Variants in PGAP1 observed in about 807,000 individuals in gnomAD.
PGAP1 encodes the protein GPI inositol-deacylase.
A neutral mutation model predicts 127.0 loss-of-function variants in PGAP1; 76 were observed. That is an observed-to-expected ratio of 0.60 (90% CI 0.50 to 0.72). The LOEUF (loss-of-function observed/expected upper bound fraction) is 0.72, where lower values mean the gene tolerates loss of function less well. Ranked by LOEUF, PGAP1 falls within the 30% of genes least tolerant of loss-of-function variation. The pLI is 0.00. For synonymous variants in PGAP1, 362 were observed against 366.5 expected, an observed-to-expected ratio of 0.99 and a Z score of 0.14; for missense variants, 982 against 1,071.3, an observed-to-expected ratio of 0.92 and a Z score of 1.16.
Position 196,872,433 on chromosome 2 carries a change from C to A in PGAP1, c.1728+8G>T, listed in dbSNP as rs368970696. Reference sequence around the variant, plus strand: ...AAATCTTAAAAATTAATCAAACATACAACTTACCTCGTACCGACAGTCTGA... The same window carrying A: ...AAATCTTAAAAATTAATCAAACATAAAACTTACCTCGTACCGACAGTCTGA... On this transcript the variant is annotated splice_region_variant and intron_variant, in intron 18 of 26. Transcript: ENST00000354764. 2.6e-6 allele frequency: 4 copies of A among 1,565,268 alleles called. No homozygotes were observed. Among genetic ancestry groups the A allele is most frequent in the African/African-American group, 2.7e-5 (2 of 73,800 alleles).
chr2:196,911,575 G>A (rs1373608848), intron 4 of PGAP1, among the ~76,000 whole-genome samples: 2 of 80,756 alleles, frequency 2.5e-5, no homozygotes, highest in Non-Finnish European at 4.2e-5. Flanking sequence ...CCTGCACAAT[G>A]TGCACATGTA....
At position 196,902,577 on chromosome 2, in the gene PGAP1, A is replaced by C. The variant is rs760292481; in HGVS notation, c.807+8T>G. ...TACTATTTCAATAGAATCTTAAAAA[A>C]AGATTACCACAACAGATAAGGCACT... On this transcript the variant is annotated splice_region_variant and intron_variant, in intron 5 of 26. Coordinates refer to ENST00000354764, the MANE Select transcript of PGAP1 (RefSeq NM_024989.4). 3 of 1,591,994 alleles carry C rather than the reference A, an allele frequency of 1.9e-6. No individual in the cohort carries two copies. The highest frequency in any genetic ancestry group is 2.6e-6 in the Non-Finnish European group (3 of 1,171,890).
At chr2:196,880,316 C>T (rs914760060) in intron 12 of PGAP1, among the ~76,000 whole-genome samples, 163 bp from the exon 13 acceptor site, 2 of 151,954 alleles carry the variant, frequency 1.3e-5, no homozygotes, top group Non-Finnish European at 2.9e-5. Flanking sequence ...ATTTCCAGGT[C>T]AATAATCCTG....
chr2:196,879,476 C>A (rs574940990), intron 13 of PGAP1, among the ~76,000 whole-genome samples: 1 of 152,274 alleles, frequency 6.6e-6, no homozygotes, highest in South Asian at 2.1e-4. Context: ...GGGCGGATCA[C>A]CTGAGGTCAA....
chr2:196,902,610 T>C lies in PGAP1; in HGVS notation c.782A>G (p.His261Arg), dbSNP rs561364244. ...SGLTFLPKLS[H>R]HTSALSVVSS... is the part of the protein sequence containing the mutation. ...CACAACAGATAAGGCACTGGTATGATGGCTTAATTTTGGTAGAAAAGTCAA... is the reference window on the plus strand; with the variant it reads ...CACAACAGATAAGGCACTGGTATGACGGCTTAATTTTGGTAGAAAAGTCAA... The change falls in exon 5 of 27, where the codon CAT becomes CGT. Residue 261 changes from histidine (H) to arginine (R), a missense_variant. His to Arg is a conservative substitution (Grantham distance 29). Transcript: ENST00000354764. 2.4e-5 allele frequency: 38 copies of C among 1,613,344 alleles called. No individual in the cohort carries two copies. The South Asian group carries it at 3.3e-4, about 14-fold the overall frequency.
At chr2:196,896,737 G>A (rs938195821) in intron 7 of PGAP1, among the ~76,000 whole-genome samples, 4 of 150,514 alleles carry the variant, frequency 2.7e-5, no homozygotes, top group Non-Finnish European at 4.4e-5. Flanking sequence ...GGCTAGGTGG[G>A]AGGATCGCTT....
intron 1 of PGAP1, chr2:196,922,264 C>A: frequency 8.3e-7 from 1 of 1,202,476 alleles, no homozygotes; most frequent in Non-Finnish European, 1.1e-6. Flanking sequence ...ACTAAAATAT[C>A]TATTTTATGA....
At chr2:196,869,393 T>C (rs1219240594) in intron 19 of PGAP1, among the ~76,000 whole-genome samples, 1 of 152,200 alleles carries the variant, frequency 6.6e-6, no homozygotes, top group East Asian at 1.9e-4. Flanking sequence ...TGGAGTGCAG[T>C]GGCGCGATCT....
chr2:196,913,875 A>G (rs1241049491), intron 3 of PGAP1, among the ~76,000 whole-genome samples: 4 of 152,194 alleles, frequency 2.6e-5, no homozygotes, highest in African/African-American at 9.7e-5. Context: ...GTTTGTGCAA[A>G]CAACATGTTT....
At chr2:196,898,485 A>C (rs1236505342) in intron 5 of PGAP1, 116 bp from the exon 6 acceptor site, 1 of 600,744 alleles carries the variant, frequency 1.7e-6, no homozygotes, top group East Asian at 3.0e-5. Context: ...CTATATTGTG[A>C]GGCCTAGACA....
rs1249224623 is a variant in PGAP1, at chr2:196,833,261, A to G, written c.*7973T>C. The G allele has an allele frequency of 6.6e-6, 1 of 152,250 alleles. No individual in the cohort carries two copies. The highest frequency in any genetic ancestry group is 2.4e-5 in the African/African-American group (1 of 41,464). The allele number at this position is 152,250 out of a possible 1,614,324, so 9.4% of individuals were successfully genotyped here. ...TTTTAATTATACCATATAAAAATAC[A>G]CACAAAATTACACATAAATGTATTT... On this transcript the variant is annotated 3_prime_UTR_variant, in exon 27 of 27. Transcript: ENST00000354764.
chr2:196,923,486 T>C (rs1703272949), intron 1 of PGAP1, among the ~76,000 whole-genome samples: 1 of 152,100 alleles, frequency 6.6e-6, no homozygotes, highest in Non-Finnish European at 1.5e-5. Flanking sequence ...TACATGCCCA[T>C]TTCCCCCATT....
rs1700490108 is a variant in PGAP1 at position 196,844,048 on chromosome 2, T to C, written c.2365A>G (p.Lys789Glu). 1 of 1,594,712 alleles carries C rather than the reference T, an allele frequency of 6.3e-7. No homozygotes were observed. Among genetic ancestry groups the C allele is most frequent in the Non-Finnish European group, 8.6e-7 (1 of 1,168,018 alleles). ...VNPKHSRRSEKKSNHHKDSSI... is the reference protein window; with the variant it reads ...VNPKHSRRSEEKSNHHKDSSI... Reference sequence around the variant, plus strand: ...GAGTCTTTATGATGATTGGATTTCTTTTCACTTCTTCTAGAGTGTTTGGGA... The same window carrying C: ...GAGTCTTTATGATGATTGGATTTCTCTTCACTTCTTCTAGAGTGTTTGGGA... The change falls in exon 25 of 27, where the codon AAG (lysine) becomes GAG (glutamate). Residue 789 changes from lysine to glutamate, a missense_variant. Lys to Glu is a moderately conservative substitution (Grantham distance 56, BLOSUM62 1). Transcript: ENST00000354764.
rs564490429 is a variant in PGAP1 at position 196,872,672 on chromosome 2, T to G, written c.1620-123A>C. ...AGGAAGCTAGGTGCCAGACACATAA[T>G]TGTGGATGGGCACTTTTTCAATGAT... On this transcript the variant is annotated intron_variant, in intron 17 of 26. Coordinates refer to ENST00000354764, the MANE Select transcript of PGAP1 (RefSeq NM_024989.4). 1.1e-4 allele frequency: 76 copies of G among 678,488 alleles called. No homozygotes were observed. The Middle Eastern group carries it at 3.3e-3, about 29-fold the overall frequency. The allele number at this position is 678,488 out of a possible 1,614,324, so 42.0% of individuals were successfully genotyped here.
At position 196,875,763 on chromosome 2, in the gene PGAP1, G is replaced by C; in HGVS notation, c.1409C>G (p.Thr470Ser). The C allele has an allele frequency of 6.5e-7, 1 of 1,540,950 alleles. No homozygotes were observed. Among genetic ancestry groups the C allele is most frequent in the Non-Finnish European group, 8.9e-7 (1 of 1,118,240 alleles). Residue 470 changes from threonine to serine, a missense_variant, in exon 14 of 27, where the codon ACT becomes AGT. Thr to Ser is a moderately conservative substitution (Grantham distance 58). Coordinates refer to ENST00000354764, the MANE Select transcript of PGAP1 (RefSeq NM_024989.4). ...KEKRYIQLPV[T>S]HLFSFGLSSR... Reference sequence around the variant, plus strand: ...GTACTTACCAAAGGAAAAAAGATGAGTTACAGGAAGCTGTATGTATCTTTT... The same window carrying C: ...GTACTTACCAAAGGAAAAAAGATGACTTACAGGAAGCTGTATGTATCTTTT...
intron 20 of PGAP1, among the ~76,000 whole-genome samples, chr2:196,855,757 G>A (rs561285071): frequency 2.0e-4 from 30 of 152,064 alleles, no homozygotes; most frequent in African/African-American, 7.0e-4. Flanking sequence ...TCTTATGGCC[G>A]TATGATTTTT....
chr2:196,885,302 GGT>G lies in PGAP1; in HGVS notation c.1272+120_1272+121del, dbSNP rs573573662. ...CTAGAGAAAATATTTTTTAAATGTA[GGT>G]TAGTAAATCTCAAGTTTATTTAATA... On this transcript the variant is annotated intron_variant, in intron 12 of 26. Coordinates refer to ENST00000354764, the MANE Select transcript of PGAP1 (RefSeq NM_024989.4). 1,546 of 595,508 alleles carry G rather than the reference GGT, an allele frequency of 2.6e-3. 3 individuals carry two copies. The highest frequency in any genetic ancestry group is 3.2e-3 in the Non-Finnish European group (1,076 of 339,272). 36.9% of individuals were successfully genotyped at this position (595,508 alleles called of 1,614,324 possible). A position where few individuals can be genotyped will look rare whatever the true frequency, so the allele number is the denominator to read the frequency against.
Position 196,898,330 on chromosome 2 carries a change from G to T in PGAP1, c.847C>A (p.Leu283Ile). The change falls in exon 6 of 27, where the codon CTC (leucine) becomes ATC (isoleucine). Residue 283 changes from leucine to isoleucine, a missense_variant. Transcript: ENST00000354764. ...GTATTAACTTACCACACAATGGAGA[G>T]GTGGTCTGTTGAGACCCAGGTCTTA... ...VPKTWVSTDHLSIVWCKQLQL... is the reference protein window; with the variant it reads ...VPKTWVSTDHISIVWCKQLQL... The T allele has an allele frequency of 6.2e-7, 1 of 1,608,980 alleles. No homozygotes were observed. Among genetic ancestry groups the T allele is most frequent in the Non-Finnish European group, 8.5e-7 (1 of 1,176,304 alleles).
intron 20 of PGAP1, among the ~76,000 whole-genome samples, chr2:196,850,400 G>C (rs1167602992): frequency 5.9e-5 from 9 of 152,190 alleles, no homozygotes; most frequent in African/African-American, 2.2e-4. Context: ...ACTAGGAATA[G>C]AATGGAGAAC....
Sources: allele counts gnomAD v4.1 joint callset (sites outside exome capture counted in the v4.1 genomes callset), GRCh38; gene constraint gnomAD v4.1.1; transcripts MANE v1.5; gene names NCBI Gene and HGNC (gene_info 2026-07-23, HGNC 2026-07-21).